Variants in DCDC2 observed in about 807,000 individuals in gnomAD.
DCDC2 encodes doublecortin domain containing 2.
Under a neutral mutation model 50.2 loss-of-function variants are expected in DCDC2, and 40 were observed. The ratio of observed to expected loss-of-function variants is 0.80; its 90% confidence interval spans 0.62 to 1.04. The LOEUF is 1.04. Among genes scored for constraint, DCDC2 ranks in the 50% least tolerant of loss-of-function variants. The pLI is 0.00. For synonymous variants in DCDC2, 234 were observed against 210.6 expected (o/e 1.11, Z -0.96); for missense variants, 570 against 581.9 (o/e 0.98, Z 0.21).
chr6:24,276,012 G>A (rs1404719903), intron 7 of DCDC2, among the ~76,000 whole-genome samples: 1 of 151,642 alleles, frequency 6.6e-6, no homozygotes, highest in African/African-American at 2.4e-5. Context: ...TAGGACTACA[G>A]GTGCATGCCA....
intron 7 of DCDC2, among the ~76,000 whole-genome samples, chr6:24,242,811 A>T (rs564654456): frequency 2.0e-4 from 30 of 152,164 alleles, no homozygotes; most frequent in Admixed American, 4.6e-4. Flanking sequence ...GAAATACAAA[A>T]ATTAGCCAGG....
At chr6:24,193,172 A>G (rs530434298) in intron 8 of DCDC2, among the ~76,000 whole-genome samples, 1 of 152,176 alleles carries the variant, frequency 6.6e-6, no homozygotes, top group Non-Finnish European at 1.5e-5. Context: ...AGAGAAAAAA[A>G]AAAGATATTT....
At chr6:24,236,760 A>G (rs1157528007) in intron 7 of DCDC2, among the ~76,000 whole-genome samples, 1 of 152,194 alleles carries the variant, frequency 6.6e-6, no homozygotes. Context: ...CTGTAACCCC[A>G]GCACTTTGGG....
chr6:24,357,024 T>C (rs1311016379), intron 1 of DCDC2: 1 of 156,704 alleles, frequency 6.4e-6, no homozygotes, highest in Non-Finnish European at 1.4e-5. Flanking sequence ...GCAGAGCAAT[T>C]TTCTCCTCTG....
Position 24,174,837 on chromosome 6 carries a change from A to G in DCDC2, c.1327-3T>C. On this transcript the variant is annotated splice_polypyrimidine_tract_variant and splice_region_variant and intron_variant, in intron 9 of 9. Coordinates refer to ENST00000378454, the MANE Select transcript of DCDC2 (RefSeq NM_016356.5). ...GGTCTTTGAGGGTCTACATCAGCCT[A>G]GAAGAAAATAGATCAAAACAAAGGT... is the stretch of plus-strand genomic sequence containing the variant. The G allele has an allele frequency of 1.3e-6, 2 of 1,596,558 alleles. No homozygotes were observed. Among genetic ancestry groups the G allele is most frequent in the Non-Finnish European group, 1.7e-6 (2 of 1,166,028 alleles).
Position 24,296,735 on chromosome 6 carries a change from G to A in DCDC2, c.557+4980C>T, listed in dbSNP as rs116179858. 7.3e-3 allele frequency among the ~76,000 whole-genome samples: 1,105 copies of A among 152,266 alleles called. 13 individuals carry two copies. Among genetic ancestry groups the A allele is most frequent in the African/African-American group, 0.025 (1,021 of 41,544 alleles). ...AAGAGCTCAATATCACTTATCACTA[G>A]AGAAATGCAAACAAAAAGCACAATG... On this transcript the variant is annotated intron_variant, in intron 4 of 9. Transcript: ENST00000378454.
rs1760824537 is a variant in DCDC2 at position 24,173,201 on chromosome 6, T to C, written c.*1529A>G. On this transcript the variant is annotated 3_prime_UTR_variant, in exon 10 of 10. Coordinates refer to ENST00000378454, the MANE Select transcript of DCDC2 (RefSeq NM_016356.5). Reference sequence around the variant, plus strand: ...ATCACTATATCCTTGTGTCATTATCTCTTCCAAATACTGTTACATTATCTC... The same window carrying C: ...ATCACTATATCCTTGTGTCATTATCCCTTCCAAATACTGTTACATTATCTC... The C allele has an allele frequency of 6.6e-6, 1 of 151,972 alleles. No individual in the cohort carries two copies. The highest frequency in any genetic ancestry group is 2.1e-4 in the South Asian group (1 of 4,826). 9.4% of individuals were successfully genotyped at this position (151,972 alleles called of 1,614,324 possible).
intron 7 of DCDC2, among the ~76,000 whole-genome samples, chr6:24,237,443 A>T (rs1383995433): frequency 6.6e-6 from 1 of 152,242 alleles, no homozygotes; most frequent in Non-Finnish European, 1.5e-5. Context: ...GGTTGTGGAA[A>T]AAAGGGAATG....
rs73726607 is a variant in DCDC2, at chr6:24,177,378, G to A, written c.1326+952C>T. On this transcript the variant is annotated intron_variant, in intron 9 of 9. Coordinates refer to ENST00000378454, the MANE Select transcript of DCDC2 (RefSeq NM_016356.5). ...CCAGAACATTTTGCATTTTGCCACC[G>A]CTAAACTTGCTTTCCCTAAGCAAGA... 1.5e-3 allele frequency among the ~76,000 whole-genome samples: 226 copies of A among 152,240 alleles called. 1 individual carries two copies. Among genetic ancestry groups the A allele is most frequent in the African/African-American group, 5.2e-3 (215 of 41,534 alleles).
At chr6:24,280,586 G>C (rs1763449859) in intron 6 of DCDC2, among the ~76,000 whole-genome samples, 1 of 151,960 alleles carries the variant, frequency 6.6e-6, no homozygotes, top group Non-Finnish European at 1.5e-5. Flanking sequence ...ATCCAGGCTG[G>C]AGTAAAGTGG....
At chr6:24,241,373 A>C (rs114676109) in intron 7 of DCDC2, among the ~76,000 whole-genome samples, 4,396 of 152,324 alleles carry the variant, frequency 0.029, 91 homozygotes, top group Non-Finnish European at 0.046. Context: ...CGCACTCCTA[A>C]AACATGACTA....
chr6:24,320,061 C>T (rs185981684), intron 2 of DCDC2, among the ~76,000 whole-genome samples: 98 of 152,240 alleles, frequency 6.4e-4, no homozygotes, highest in African/African-American at 2.2e-3. Flanking sequence ...TGAAGTCTAA[C>T]GACAAAAAGC....
intron 4 of DCDC2, among the ~76,000 whole-genome samples, chr6:24,297,133 T>C (rs990319450): frequency 6.6e-6 from 1 of 152,000 alleles, no homozygotes; most frequent in Admixed American, 6.6e-5. Flanking sequence ...TATGCAGCCA[T>C]AAAAAAGGGT....
chr6:24,197,774 T>G (rs751178483), intron 8 of DCDC2, among the ~76,000 whole-genome samples: 14 of 152,190 alleles, frequency 9.2e-5, no homozygotes, highest in Non-Finnish European at 2.1e-4. Context: ...TGGTGAAATC[T>G]GCTTTTAGAA....
At chr6:24,201,741 T>A (rs149576816) in intron 8 of DCDC2, among the ~76,000 whole-genome samples, 2 of 151,950 alleles carry the variant, frequency 1.3e-5, no homozygotes, top group African/African-American at 4.8e-5. Context: ...ATTAACAAAA[T>A]AGACCACTAG....
At chr6:24,225,347 A>G (rs1355531727) in intron 7 of DCDC2, among the ~76,000 whole-genome samples, 3 of 152,140 alleles carry the variant, frequency 2.0e-5, no homozygotes, top group African/African-American at 7.2e-5. Flanking sequence ...CATCTAGGAG[A>G]AGCAGTAGAC....
At chr6:24,320,958 T>TAAAAAAAAAAAAA (rs1223162798) in intron 2 of DCDC2, among the ~76,000 whole-genome samples, 1 of 147,582 alleles carries the variant, frequency 6.8e-6, no homozygotes. Flanking sequence ...ATAAAAAAAT[T>TAAAAAAAAAAAAA]AAAAAAAAAA....
the DCDC2 span, among the ~76,000 whole-genome samples, chr6:24,381,084 G>GAAA: frequency 1.1e-5 from 1 of 91,784 alleles, no homozygotes; most frequent in Non-Finnish European, 2.5e-5. Flanking sequence ...CTTGTCTCAA[G>GAAA]AAAAAAAAAA....
chr6:24,349,798 C>T (rs948128630), intron 2 of DCDC2, among the ~76,000 whole-genome samples: 1 of 151,978 alleles, frequency 6.6e-6, no homozygotes, highest in African/African-American at 2.4e-5. Flanking sequence ...GACTCAGGAG[C>T]ACAAAAAGAG....
Sources: allele counts gnomAD v4.1 joint callset (sites outside exome capture counted in the v4.1 genomes callset), GRCh38; gene constraint gnomAD v4.1.1; transcripts MANE v1.5; gene names NCBI Gene and HGNC (gene_info 2026-07-23, HGNC 2026-07-21).